Variants in SASS6 observed in about 807,000 individuals in gnomAD.
SASS6 encodes the protein SAS-6 centriolar assembly protein.
Under a neutral mutation model 94.9 loss-of-function variants are expected in SASS6, and 59 were observed. The ratio of observed to expected loss-of-function variants is 0.62; its 90% CI spans 0.50 to 0.77. The LOEUF (loss-of-function observed/expected upper bound fraction) is 0.77. Among genes scored for constraint, SASS6 ranks in the 30% least tolerant of loss-of-function variants. The pLI is 0.00. For synonymous variants in SASS6, 264 were observed against 270.0 expected (o/e 0.98, Z 0.22); for missense variants, 698 against 734.1 (o/e 0.95, Z 0.57).
intron 7 of SASS6, among the ~76,000 whole-genome samples, chr1:100,115,272 C>T (rs765013138): frequency 1.2e-4 from 19 of 152,130 alleles, no homozygotes; most frequent in Non-Finnish European, 2.6e-4. Flanking sequence ...AATTTAACCA[C>T]AGTGGTACTG....
intron 1 of SASS6, among the ~76,000 whole-genome samples, chr1:100,126,212 A>G (rs141574830): frequency 6.6e-6 from 1 of 152,216 alleles, no homozygotes; most frequent in Non-Finnish European, 1.5e-5. Flanking sequence ...AACACTGTGG[A>G]GTGCCTAGCA....
chr1:100,132,623 T>C, intron 1 of SASS6, 127 bp downstream of exon 1: 1 of 819,854 alleles, frequency 1.2e-6, no homozygotes, highest in East Asian at 2.4e-5. Context: ...GGGTTCCCTA[T>C]CCGCTTCCTA....
intron 7 of SASS6, among the ~76,000 whole-genome samples, chr1:100,116,399 T>C (rs1443110818): frequency 6.6e-6 from 1 of 152,176 alleles, no homozygotes; most frequent in African/African-American, 2.4e-5. Flanking sequence ...TGTTCATTAT[T>C]ATCAGATAGT....
At chr1:100,106,126 A>G (rs1345442237) in intron 12 of SASS6, among the ~76,000 whole-genome samples, 3 of 152,190 alleles carry the variant, frequency 2.0e-5, no homozygotes, top group African/African-American at 4.8e-5. Context: ...TCCGAAGCAC[A>G]TATTTCTGCT....
chr1:100,120,165 A>G (rs188510551), intron 6 of SASS6, among the ~76,000 whole-genome samples: 76 of 152,224 alleles, frequency 5.0e-4, no homozygotes, highest in Non-Finnish European at 9.0e-4. Context: ...ACTCGAGGGA[A>G]CATGTTATAT....
At chr1:100,122,869 T>C (rs533785320) in intron 3 of SASS6, among the ~76,000 whole-genome samples, 25 of 152,196 alleles carry the variant, frequency 1.6e-4, no homozygotes, top group African/African-American at 5.8e-4. Flanking sequence ...TCTTTAATTA[T>C]AATTAGCATC....
chr1:100,117,792 C>T (rs921390914), intron 7 of SASS6, among the ~76,000 whole-genome samples: 6 of 116,288 alleles, frequency 5.2e-5, no homozygotes, highest in African/African-American at 1.3e-4. Context: ...GAAATATAAA[C>T]TAAAACTAGT....
At chr1:100,129,744 C>G (rs1047221792) in intron 1 of SASS6, among the ~76,000 whole-genome samples, 2 of 152,144 alleles carry the variant, frequency 1.3e-5, no homozygotes, top group Non-Finnish European at 2.9e-5. Flanking sequence ...CAGAAGGTAA[C>G]AAGAATGCTT....
rs754738265 is a variant in SASS6, at chr1:100,132,892, C to T, written c.-78G>A. On this transcript the variant is annotated 5_prime_UTR_variant, in exon 1 of 17. Coordinates refer to ENST00000287482, the MANE Select transcript of SASS6 (RefSeq NM_194292.3). ...CGGGATTAGCCTGAGAGGTCCGGGT[C>T]CTGATAAAGTTTGAGTTTGGCGCTC... 2 of 1,375,410 alleles carry T rather than the reference C, an allele frequency of 1.5e-6. No individual in the cohort carries two copies. The highest frequency in any genetic ancestry group is 2.9e-5 in the African/African-American group (2 of 69,520). The allele number at this position is 1,375,410 out of a possible 1,614,324, so 85.2% of individuals were successfully genotyped here. A position where few individuals can be genotyped will look rare whatever the true frequency, so the allele number is the denominator to read the frequency against.
At chr1:100,107,604 G>A in intron 10 of SASS6, 24 bp downstream of exon 10, 1 of 1,551,326 alleles carries the variant, frequency 6.4e-7, no homozygotes, top group Non-Finnish European at 8.8e-7. Flanking sequence ...TGAAATACTA[G>A]TCTATAAAAT....
rs180766994 is a variant in SASS6, at chr1:100,120,093, C to T, written c.549+301G>A. Among the ~76,000 whole-genome samples the T allele has an allele frequency of 5.8e-4, 89 of 152,158 alleles. 1 individual carries two copies. The highest frequency in any genetic ancestry group is 2.1e-3 in the Admixed American group (32 of 15,286). ...AGCCATTTAGGCCAGAGGAATGAGG[C>T]GAACAAGTGGGGAGTGGAGAACTAA... On this transcript the variant is annotated intron_variant, in intron 6 of 16. Coordinates refer to ENST00000287482, the MANE Select transcript of SASS6 (RefSeq NM_194292.3).
At chr1:100,111,585 T>C (rs1248259398) in intron 7 of SASS6, among the ~76,000 whole-genome samples, 2 of 152,054 alleles carry the variant, frequency 1.3e-5, no homozygotes, top group Admixed American at 6.5e-5. Flanking sequence ...TAAACAAATA[T>C]AAAGCTTGAT....
chr1:100,129,466 G>A (rs1253036483), intron 1 of SASS6, among the ~76,000 whole-genome samples: 1 of 152,086 alleles, frequency 6.6e-6, no homozygotes, highest in South Asian at 2.1e-4. Flanking sequence ...ATCTTGATAA[G>A]TAAATATTAT....
intron 5 of SASS6, among the ~76,000 whole-genome samples, chr1:100,121,007 G>C (rs374583570): frequency 1.7e-4 from 24 of 138,554 alleles, no homozygotes; most frequent in African/African-American, 6.3e-4. Flanking sequence ...CCGAGATCCC[G>C]CCACTGCACT....
chr1:100,090,680 C>T (rs1251823828), intron 14 of SASS6, among the ~76,000 whole-genome samples: 1 of 152,068 alleles, frequency 6.6e-6, no homozygotes, highest in Admixed American at 6.6e-5. Flanking sequence ...TCTCTTTGTC[C>T]TCTTGCTGCT....
At chr1:100,107,291 C>A in intron 11 of SASS6, 83 bp downstream of exon 11, 1 of 821,754 alleles carries the variant, frequency 1.2e-6, no homozygotes. Flanking sequence ...AAGACCAAAG[C>A]CATTTGTTAA....
rs1275897905 is a variant in SASS6 at position 100,093,288 on chromosome 1, T to A, written c.1675-5052A>T. Among the ~76,000 whole-genome samples, 56 of 146,428 alleles carry A rather than the reference T, an allele frequency of 3.8e-4. 1 individual carries two copies. In the Admixed American group the frequency reaches 3.9e-3, roughly 10 times the overall value. On this transcript the variant is annotated intron_variant, in intron 14 of 16. Coordinates refer to ENST00000287482, the MANE Select transcript of SASS6 (RefSeq NM_194292.3). ...TCCACATCCTGGGCTCAGGTGATCC[T>A]CCCACCTCAGCCTCCCCAACAGCTG...
intron 7 of SASS6, among the ~76,000 whole-genome samples, chr1:100,116,317 T>G (rs922380976): frequency 1.3e-5 from 2 of 152,088 alleles, no homozygotes; most frequent in Non-Finnish European, 2.9e-5. Context: ...AATAGGCAAA[T>G]TAAACATGCT....
chr1:100,114,497 A>G (rs2101675031), intron 7 of SASS6, among the ~76,000 whole-genome samples: 1 of 151,918 alleles, frequency 6.6e-6, no homozygotes, highest in South Asian at 2.1e-4. Context: ...CAGCCTGACC[A>G]ACATAGTGAG....
Sources: gnomAD v4.1 joint callset for allele counts (sites outside exome capture counted in the v4.1 genomes callset) on GRCh38, gnomAD v4.1.1 for gene constraint, MANE v1.5 for transcripts, NCBI Gene and HGNC (gene_info 2026-07-23, HGNC 2026-07-21) for gene names.